C19orf38: variants seen among roughly 807,000 people sequenced by gnomAD.
C19orf38 encodes the protein chromosome 19 open reading frame 38.
A neutral mutation model predicts 26.6 loss-of-function variants in C19orf38; 14 were observed. The observed-to-expected ratio is 0.53, with a 90% confidence interval of 0.35 to 0.82. C19orf38 has a LOEUF of 0.82. Ranked by LOEUF, C19orf38 falls within the 40% of genes least tolerant of loss-of-function variation. The pLI, the probability that C19orf38 is intolerant of heterozygous loss-of-function variation, is 0.01. For synonymous variants in C19orf38, 132 were observed against 128.5 expected (o/e 1.03, Z -0.18); for missense variants, 261 against 299.5 (o/e 0.87, Z 0.95).
At chr19:10,858,433 C>T (rs2073654374) in intron 4 of C19orf38, 90 bp downstream of exon 4, 3 of 1,265,512 alleles carry the variant, frequency 2.4e-6, no homozygotes, top group Non-Finnish European at 3.3e-6. Flanking sequence ...CCCCCACAAA[C>T]AGCGCCTCCT....
At chr19:10,839,731 C>CTT (rs1235370560) in intron 1 of C19orf38, among the ~76,000 whole-genome samples, 19 of 132,382 alleles carry the variant, frequency 1.4e-4, no homozygotes, top group South Asian at 2.4e-4. Context: ...TTCTTTTGTT[C>CTT]TTTTTTTTTT....
chr19:10,838,904 CTTTTTCTTTT>C (rs1366968568), intron 1 of C19orf38, among the ~76,000 whole-genome samples: 4 of 151,316 alleles, frequency 2.6e-5, no homozygotes, highest in Admixed American at 6.6e-5. Context: ...TCGCCCATTT[CTTTTTCTTTT>C]TTTTTCTTTT....
upstream of C19orf38, among the ~76,000 whole-genome samples, chr19:10,847,821 A>G (rs1389311999): frequency 1.3e-5 from 2 of 152,098 alleles, no homozygotes; most frequent in Non-Finnish European, 2.9e-5. Flanking sequence ...TGGTTAGGCT[A>G]TGGTTTGTGT....
At chr19:10,850,024 A>G (rs566522008) in intron 1 of C19orf38, among the ~76,000 whole-genome samples, 4 of 152,262 alleles carry the variant, frequency 2.6e-5, no homozygotes, top group South Asian at 2.1e-4. Flanking sequence ...ACACCACTAC[A>G]TTCCATCCTG....
intron 3 of C19orf38, 97 bp from the exon 4 acceptor site, chr19:10,858,219 C>T (rs1436955777): frequency 1.0e-6 from 1 of 990,142 alleles, no homozygotes; most frequent in Non-Finnish European, 1.4e-6. Context: ...AAGAATGAGA[C>T]TCTGTCTAAA....
At chr19:10,865,256 C>T (rs918935595) in intron 6 of C19orf38, among the ~76,000 whole-genome samples, 11 of 152,168 alleles carry the variant, frequency 7.2e-5, no homozygotes, top group African/African-American at 2.6e-4. Context: ...AAGCGATTCT[C>T]CTGCCTCAGC....
intron 1 of C19orf38, chr19:10,842,143 A>G: frequency 3.2e-6 from 5 of 1,580,594 alleles, no homozygotes; most frequent in Non-Finnish European, 8.7e-7. Context: ...ACTCAGGCCC[A>G]GATGACACCA....
At chr19:10,865,465 T>C (rs1179529221) in intron 6 of C19orf38, among the ~76,000 whole-genome samples, 1 of 150,830 alleles carries the variant, frequency 6.6e-6, no homozygotes, top group African/African-American at 2.5e-5. Flanking sequence ...GTTTTTTTAC[T>C]TTTTTTTTCT....
chr19:10,856,603 A>G (rs956867272), intron 3 of C19orf38, among the ~76,000 whole-genome samples: 2 of 151,956 alleles, frequency 1.3e-5, no homozygotes, highest in African/African-American at 2.4e-5. Flanking sequence ...TTCGAGGTTC[A>G]AGCAATTCTC....
intron 2 of C19orf38, 39 bp downstream of exon 2, chr19:10,850,606 AT>A: frequency 6.5e-7 from 1 of 1,540,848 alleles, no homozygotes. Flanking sequence ...CGGGGGCTTA[AT>A]TTTCTCACAT....
chr19:10,856,799 C>T lies in C19orf38; in HGVS notation c.433+442C>T, dbSNP rs117977074. On this transcript the variant is annotated intron_variant, in intron 3 of 6. Transcript: ENST00000397820. ...GATTATAGGCATGAGCCACAGTCCC[C>T]GGCCTAAAAATTTTTTATTTGGAGA... Among the ~76,000 whole-genome samples, 804 of 150,856 alleles carry T rather than the reference C, an allele frequency of 5.3e-3. 38 individuals carry two copies. The East Asian group carries it at 0.12, about 22-fold the overall frequency.
chr19:10,854,274 G>C (rs2073602766), intron 2 of C19orf38, among the ~76,000 whole-genome samples: 1 of 151,708 alleles, frequency 6.6e-6, no homozygotes, highest in Non-Finnish European at 1.5e-5. Flanking sequence ...ATGTTGGCCA[G>C]GGTGGTCTTC....
At position 10,850,570 on chromosome 19, in the gene C19orf38, A is replaced by G. The variant is rs917615225; in HGVS notation, c.340+3A>G. 1.9e-6 allele frequency: 3 copies of G among 1,551,328 alleles called. No homozygotes were observed. The highest frequency in any genetic ancestry group is 1.7e-6 in the Non-Finnish European group (2 of 1,146,924). On this transcript the variant is annotated splice_donor_region_variant and intron_variant, in intron 2 of 6. Transcript: ENST00000397820. ...GCCCGTGAACGTCTCCTTCCCAGGTAAGGCCCTTCTATGGGATCTCACTGC... is the reference window on the plus strand; with the variant it reads ...GCCCGTGAACGTCTCCTTCCCAGGTGAGGCCCTTCTATGGGATCTCACTGC...
At chr19:10,865,207 A>C (rs1428899712) in intron 6 of C19orf38, among the ~76,000 whole-genome samples, 1 of 152,024 alleles carries the variant, frequency 6.6e-6, no homozygotes, top group Non-Finnish European at 1.5e-5. Context: ...GCTGGAGTGC[A>C]GTGGCTTGAT....
chr19:10,851,152 C>A (rs1440009607), intron 2 of C19orf38, among the ~76,000 whole-genome samples: 1 of 152,224 alleles, frequency 6.6e-6, no homozygotes, highest in African/African-American at 2.4e-5. Flanking sequence ...CCTCCTGGTT[C>A]AAGCGATTCT....
At chr19:10,859,472 T>C (rs2073675066) in intron 4 of C19orf38, among the ~76,000 whole-genome samples, 1 of 147,214 alleles carries the variant, frequency 6.8e-6, no homozygotes. Context: ...AACCTCCGCC[T>C]CCTGGGTTCA....
At chr19:10,845,534 C>T (rs528969057), upstream of C19orf38, among the ~76,000 whole-genome samples, 2 of 152,198 alleles carry the variant, frequency 1.3e-5, no homozygotes, top group African/African-American at 4.8e-5. Flanking sequence ...GTGTGGCATG[C>T]AGTTAAAACA....
At chr19:10,845,202 G>A (rs1311107009), upstream of C19orf38, among the ~76,000 whole-genome samples, 2 of 149,948 alleles carry the variant, frequency 1.3e-5, no homozygotes, top group Admixed American at 1.3e-4. Context: ...ATAAATTCAA[G>A]AATATTCTGT....
At chr19:10,864,510 T>C (rs2073732889) in intron 6 of C19orf38, among the ~76,000 whole-genome samples, 1 of 152,114 alleles carries the variant, frequency 6.6e-6, no homozygotes, top group Non-Finnish European at 1.5e-5. Flanking sequence ...ACTTTGATTT[T>C]ACTGCTATTG....
Sources: allele counts gnomAD v4.1 joint callset (sites outside exome capture counted in the v4.1 genomes callset), GRCh38; gene constraint gnomAD v4.1.1; transcripts MANE v1.5; gene names NCBI Gene and HGNC (gene_info 2026-07-23, HGNC 2026-07-21).